Variants in HK2 observed in about 807,000 individuals in gnomAD.
HK2 encodes the protein hexokinase 2.
HK2 carries 42 observed loss-of-function variants against 92.9 expected under a neutral mutation model. The ratio of observed to expected loss-of-function variants is 0.45; its 90% CI spans 0.35 to 0.58. HK2 has a LOEUF of 0.58. Ranked by LOEUF, HK2 falls within the 20% of genes least tolerant of loss-of-function variation. The probability of loss-of-function intolerance (pLI) is 0.00; values close to 1 mark genes in which losing one functional copy is unlikely to be tolerated. For synonymous variants in HK2, 422 were observed against 468.0 expected, an observed-to-expected ratio of 0.90 and a Z score of 1.27; for missense variants, 978 against 1,245.1, an observed-to-expected ratio of 0.79 and a Z score of 3.23.
chr2:74,881,895 G>A, intron 11 of HK2, 36 bp downstream of exon 11: 1 of 1,610,320 alleles, frequency 6.2e-7, no homozygotes, highest in Non-Finnish European at 8.5e-7. Context: ...GGGGCCCCTG[G>A]TGGACGTCAC....
chr2:74,882,446 GGACAAC>G (rs1443706563), intron 12 of HK2: 1 of 190,744 alleles, frequency 5.2e-6, no homozygotes, highest in African/African-American at 2.4e-5. Flanking sequence ...ACAGCCTTTG[GGACAAC>G]GATGATGATG....
intron 2 of HK2, among the ~76,000 whole-genome samples, chr2:74,860,670 T>C (rs960820764): frequency 6.6e-6 from 1 of 152,254 alleles, no homozygotes; most frequent in African/African-American, 2.4e-5. Context: ...TTCCAGTTTT[T>C]GGCTATTTGA....
At chr2:74,889,180 G>T in intron 16 of HK2, 65 bp from the exon 17 acceptor site, 2 of 1,338,744 alleles carry the variant, frequency 1.5e-6, no homozygotes, top group Non-Finnish European at 2.1e-6. Context: ...CTCAGGCCCT[G>T]GTGTGGTAGG....
Position 74,886,668 on chromosome 2 carries a change from G to A in HK2, c.2214G>A (p.Lys738=). 2 of 1,613,912 alleles carry A rather than the reference G, an allele frequency of 1.2e-6. No individual in the cohort carries two copies. The highest frequency in any genetic ancestry group is 4.5e-5 in the East Asian group (2 of 44,862). The change falls in exon 15 of 18, where the codon AAG becomes AAA. Residue 738 remains lysine (K), a synonymous_variant. Transcript: ENST00000290573. ...AVDELSLNPG[K]QRFEKMISGM... ...ATGAGCTTTCACTCAACCCCGGCAA[G>A]CAGAGGTAGGCACCCAACTGGGGCC...
intron 1 of HK2, among the ~76,000 whole-genome samples, chr2:74,844,877 G>A (rs1292282562): frequency 6.6e-6 from 1 of 152,098 alleles, no homozygotes; most frequent in Non-Finnish European, 1.5e-5. Flanking sequence ...CAAGTTACTT[G>A]TCAACTTTTC....
At position 74,880,574 on chromosome 2, in the gene HK2, A is replaced by G. The variant is rs1158434057; in HGVS notation, c.1570+5A>G. 6.2e-7 allele frequency: 1 copy of G among 1,612,544 alleles called. No homozygotes were observed. The highest frequency in any genetic ancestry group is 2.2e-5 in the East Asian group (1 of 44,844). On this transcript the variant is annotated splice_donor_5th_base_variant and intron_variant, in intron 10 of 17. Transcript: ENST00000290573. ...GTGCTACCCCGGACGGCACAGGTAC[A>G]CGGCAGGGTTGCCACCTGGCTCACA...
intron 2 of HK2, among the ~76,000 whole-genome samples, chr2:74,865,103 C>T (rs961184406): frequency 1.7e-4 from 26 of 152,086 alleles, no homozygotes; most frequent in Non-Finnish European, 4.4e-5. Flanking sequence ...GCTAGGCCTG[C>T]CTCAGATTCC....
intron 3 of HK2, among the ~76,000 whole-genome samples, chr2:74,871,447 A>C (rs1689096522): frequency 6.6e-6 from 1 of 152,118 alleles, no homozygotes; most frequent in African/African-American, 2.4e-5. Flanking sequence ...CCTTCACCTA[A>C]AGGGTCAGCA....
intron 2 of HK2, among the ~76,000 whole-genome samples, chr2:74,860,976 A>G (rs1477701646): frequency 1.3e-5 from 2 of 152,148 alleles, no homozygotes; most frequent in Non-Finnish European, 2.9e-5. Context: ...TTGCTAGGAA[A>G]CACACCATCT....
At chr2:74,838,429 T>A (rs1302507625) in intron 1 of HK2, among the ~76,000 whole-genome samples, 2 of 152,124 alleles carry the variant, frequency 1.3e-5, no homozygotes, top group Non-Finnish European at 2.9e-5. Context: ...GGCCAAAGCA[T>A]GACCTGAGGC....
rs1300540071 is a variant in HK2 at position 74,891,039 on chromosome 2, T to A, written c.*98T>A. The A allele has an allele frequency of 1.4e-6, 2 of 1,460,802 alleles. No individual in the cohort carries two copies. The highest frequency in any genetic ancestry group is 2.8e-5 in the African/African-American group (2 of 71,670). The allele number at this position is 1,460,802 out of a possible 1,614,324, so 90.5% of individuals were successfully genotyped here. On this transcript the variant is annotated 3_prime_UTR_variant, in exon 18 of 18. Coordinates refer to ENST00000290573, the MANE Select transcript of HK2 (RefSeq NM_000189.5). ...TTGTGTCAGAGACAGACCCCTTGGCTTTTGCTTGGCAGAGAGGACCCCACT... is the reference window on the plus strand; with the variant it reads ...TTGTGTCAGAGACAGACCCCTTGGCATTTGCTTGGCAGAGAGGACCCCACT...
Position 74,834,510 on chromosome 2 carries a change from C to T in HK2, c.-71C>T. 6.6e-7 allele frequency: 1 copy of T among 1,505,178 alleles called. No homozygotes were observed. Among genetic ancestry groups the T allele is most frequent in the Non-Finnish European group, 9.2e-7 (1 of 1,083,252 alleles). 93.2% of individuals were successfully genotyped at this position (1,505,178 alleles called of 1,614,324 possible). On this transcript the variant is annotated 5_prime_UTR_variant, in exon 1 of 18. Transcript: ENST00000290573. This position sits in a 1 kb window ranked among gnomAD's most constrained non-coding sequence, Gnocchi z 4.2. ...CGAGCCCCAGCACAAAGCAGTCGGA[C>T]CGCGCCGCCCGCCTCCCCTCTCGCG...
intron 1 of HK2, among the ~76,000 whole-genome samples, 179 bp from the exon 2 acceptor site, chr2:74,854,114 G>GTTT (rs372867000): frequency 6.9e-6 from 1 of 145,604 alleles, no homozygotes; most frequent in Non-Finnish European, 1.5e-5. Context: ...TAATTTTTTG[G>GTTT]TTTTTTTTTT....
intron 2 of HK2, among the ~76,000 whole-genome samples, chr2:74,865,671 G>C (rs766742975): frequency 1.3e-5 from 2 of 152,084 alleles, no homozygotes; most frequent in Non-Finnish European, 2.9e-5. Flanking sequence ...GCTAGTGGTG[G>C]GGCCACCTCT....
At chr2:74,860,343 A>G (rs1176684062) in intron 2 of HK2, among the ~76,000 whole-genome samples, 4 of 152,150 alleles carry the variant, frequency 2.6e-5, no homozygotes, top group East Asian at 1.9e-4. Flanking sequence ...AAACAACTAA[A>G]AAAAACCTCC....
At chr2:74,865,653 C>A (rs2103928546) in intron 2 of HK2, among the ~76,000 whole-genome samples, 1 of 152,222 alleles carries the variant, frequency 6.6e-6, no homozygotes, top group East Asian at 1.9e-4. Context: ...AGCTAGCCCG[C>A]AGCTGTAGCT....
intron 8 of HK2, 103 bp from the exon 9 acceptor site, chr2:74,878,584 TG>T (rs1689296064): frequency 1.2e-6 from 1 of 854,606 alleles, no homozygotes; most frequent in East Asian, 2.6e-5. Flanking sequence ...CCCCACTGGG[TG>T]GTGAATTTGC....
chr2:74,851,051 G>A (rs1688554978), intron 1 of HK2, among the ~76,000 whole-genome samples: 1 of 145,348 alleles, frequency 6.9e-6, no homozygotes, highest in Non-Finnish European at 1.5e-5. Flanking sequence ...CTCATGTGAT[G>A]GAGAGGAAAA....
chr2:74,885,884 AC>A (rs1436438472), intron 13 of HK2, among the ~76,000 whole-genome samples: 107 of 151,082 alleles, frequency 7.1e-4, no homozygotes, highest in African/African-American at 2.5e-3. Context: ...ACACACACAC[AC>A]AGTAAAGGAA....
Sources: allele counts gnomAD v4.1 joint callset (sites outside exome capture counted in the v4.1 genomes callset), GRCh38; gene constraint gnomAD v4.1.1; non-coding constraint Gnocchi (gnomAD v3.1); transcripts MANE v1.5; gene names NCBI Gene and HGNC (gene_info 2026-07-23, HGNC 2026-07-21).